Variants in MDGA2 observed in about 807,000 individuals in gnomAD.
MDGA2 encodes MAM domain containing glycosylphosphatidylinositol anchor 2, also known as MAM domain-containing glycosylphosphatidylinositol anchor protein 2.
MDGA2 carries 40 observed loss-of-function variants against 117.8 expected under a neutral mutation model. The observed-to-expected ratio is 0.34, with a 90% CI of 0.26 to 0.44. The LOEUF (loss-of-function observed/expected upper bound fraction) is 0.44. Among genes scored for constraint, MDGA2 ranks in the 20% least tolerant of loss-of-function variants. The pLI, the probability that MDGA2 is intolerant of heterozygous loss-of-function variation, is 1.00. For missense variants in MDGA2, 1,123 were observed against 1,250.6 expected, an observed-to-expected ratio of 0.90 and a Z score of 1.54; for synonymous variants, 452 against 439.0, an observed-to-expected ratio of 1.03 and a Z score of -0.37.
intron 1 of MDGA2, among the ~76,000 whole-genome samples, chr14:47,302,240 G>A (rs958302959): frequency 6.6e-6 from 1 of 152,148 alleles, no homozygotes; most frequent in Non-Finnish European, 1.5e-5. Context: ...CAAGGGGCCA[G>A]TAAAATTTAA....
chr14:47,325,267 G>A (rs1031410586), intron 1 of MDGA2, among the ~76,000 whole-genome samples: 1 of 152,132 alleles, frequency 6.6e-6, no homozygotes, highest in Non-Finnish European at 1.5e-5. Flanking sequence ...ATGTAACGGG[G>A]ATGATTGCCT....
chr14:46,882,743 T>C (rs989403868), intron 10 of MDGA2, among the ~76,000 whole-genome samples: 13 of 151,630 alleles, frequency 8.6e-5, no homozygotes, highest in Non-Finnish European at 1.5e-4. Context: ...ATATGTACAA[T>C]AGAGAAAAAT....
At chr14:47,446,468 C>T (rs1170518462) in intron 1 of MDGA2, among the ~76,000 whole-genome samples, 2 of 128,304 alleles carry the variant, frequency 1.6e-5, no homozygotes, top group African/African-American at 5.8e-5. Flanking sequence ...TTTCCCCTTC[C>T]TTTAGGGTAT....
Position 46,842,481 on chromosome 14 carries a change from T to C in MDGA2, c.2990-462A>G, listed in dbSNP as rs535880744. On this transcript the variant is annotated intron_variant, in intron 16 of 16. Transcript: ENST00000399232. ...GGTTATGTGTACAGAAATTAACTATTGCAACTAGTAGATGATCCATGTTTA... is the reference window on the plus strand; with the variant it reads ...GGTTATGTGTACAGAAATTAACTATCGCAACTAGTAGATGATCCATGTTTA... 2.0e-4 allele frequency among the ~76,000 whole-genome samples: 31 copies of C among 152,302 alleles called. No individual in the cohort carries two copies. The South Asian group carries it at 3.7e-3, about 18-fold the overall frequency.
At chr14:47,149,923 C>A (rs1312985942) in intron 3 of MDGA2, among the ~76,000 whole-genome samples, 4 of 152,186 alleles carry the variant, frequency 2.6e-5, no homozygotes, top group Non-Finnish European at 5.9e-5. Context: ...TCCCTAACTC[C>A]TGGCTGAGGT....
intron 8 of MDGA2, among the ~76,000 whole-genome samples, chr14:46,976,929 C>T (rs185592023): frequency 5.2e-4 from 79 of 151,838 alleles, no homozygotes; most frequent in African/African-American, 1.8e-3. Context: ...CAAGTTCATG[C>T]CTTGGAATGT....
At chr14:47,660,626 C>G (rs1004018570) in intron 1 of MDGA2, among the ~76,000 whole-genome samples, 1 of 152,226 alleles carries the variant, frequency 6.6e-6, no homozygotes, top group Middle Eastern at 3.4e-3. Context: ...CGAAAAATGC[C>G]CAAGCAATAC....
At chr14:47,310,858 T>C (rs1358488310) in intron 1 of MDGA2, among the ~76,000 whole-genome samples, 1 of 152,058 alleles carries the variant, frequency 6.6e-6, no homozygotes, top group Non-Finnish European at 1.5e-5. Flanking sequence ...TACAAGAATA[T>C]AGTAAAAGTG....
intron 3 of MDGA2, among the ~76,000 whole-genome samples, chr14:47,187,917 TTGTGTGTG>T (rs34044843): frequency 6.7e-6 from 1 of 148,668 alleles, no homozygotes; most frequent in Admixed American, 6.8e-5. Flanking sequence ...TTAAAGTAGG[TTGTGTGTG>T]TGTGTGTGTG....
chr14:47,172,304 A>C lies in MDGA2; in HGVS notation c.596-28030T>G, dbSNP rs138976800. Among the ~76,000 whole-genome samples the C allele has an allele frequency of 3.1e-3, 471 of 152,206 alleles. 7 individuals are homozygous for C. Among genetic ancestry groups the C allele is most frequent in the African/African-American group, 0.01 (435 of 41,538 alleles). Reference sequence around the variant, plus strand: ...GCTTTGAAGAGAGCAGTGGTTCTCCAAGCACGCAGCTGGAGATCTCAGAAC... The same window carrying C: ...GCTTTGAAGAGAGCAGTGGTTCTCCCAGCACGCAGCTGGAGATCTCAGAAC... On this transcript the variant is annotated intron_variant, in intron 3 of 16. Coordinates refer to ENST00000399232, the MANE Select transcript of MDGA2 (RefSeq NM_001113498.3).
intron 2 of MDGA2, among the ~76,000 whole-genome samples, chr14:47,273,604 T>C (rs920487103): frequency 6.6e-6 from 1 of 152,184 alleles, no homozygotes; most frequent in African/African-American, 2.4e-5. Context: ...GATTGTCTTC[T>C]CTTACAATTT....
At chr14:47,256,879 A>G (rs1201501685) in intron 2 of MDGA2, among the ~76,000 whole-genome samples, 1 of 151,914 alleles carries the variant, frequency 6.6e-6, no homozygotes, top group Admixed American at 6.6e-5. Context: ...AAAGGAAGAA[A>G]GAAAAGAAAG....
intron 2 of MDGA2, among the ~76,000 whole-genome samples, chr14:47,289,654 C>T (rs928125912): frequency 6.6e-6 from 1 of 152,002 alleles, no homozygotes; most frequent in African/African-American, 2.4e-5. Flanking sequence ...ATATTTATAA[C>T]TATGAGCAAT....
intron 1 of MDGA2, among the ~76,000 whole-genome samples, chr14:47,367,640 T>TAAAAAAGA (rs1201053418): frequency 6.6e-6 from 1 of 152,200 alleles, no homozygotes; most frequent in African/African-American, 2.4e-5. Flanking sequence ...AAAACTGTAC[T>TAAAAAAGA]ATTCTTTTTC....
intron 6 of MDGA2, among the ~76,000 whole-genome samples, chr14:47,083,539 C>G (rs530379330): frequency 6.6e-6 from 1 of 151,906 alleles, no homozygotes; most frequent in East Asian, 1.9e-4. Context: ...AAATAAGAAA[C>G]AGAGAATTGG....
intron 1 of MDGA2, among the ~76,000 whole-genome samples, chr14:47,330,847 CATA>C (rs1432239320): frequency 2.0e-5 from 3 of 151,822 alleles, no homozygotes; most frequent in Non-Finnish European, 2.9e-5. Context: ...AGCTGCATTC[CATA>C]ATATTTTTCA....
intron 15 of MDGA2, among the ~76,000 whole-genome samples, chr14:46,853,687 A>C (rs1881152388): frequency 6.6e-6 from 1 of 151,654 alleles, no homozygotes; most frequent in Admixed American, 6.6e-5. Context: ...GTATATTATG[A>C]CCTTGGTATT....
chr14:47,468,255 T>TA (rs1736996453), intron 1 of MDGA2, among the ~76,000 whole-genome samples: 1 of 152,226 alleles, frequency 6.6e-6, no homozygotes, highest in African/African-American at 2.4e-5. Flanking sequence ...TCCGTAATCG[T>TA]AAAAAATGTC....
intron 1 of MDGA2, among the ~76,000 whole-genome samples, chr14:47,456,102 A>G (rs1456065029): frequency 6.6e-6 from 1 of 152,138 alleles, no homozygotes; most frequent in Non-Finnish European, 1.5e-5. Context: ...TACTTGAATG[A>G]GTTTGTAACA....
Sources: allele counts gnomAD v4.1 joint callset (sites outside exome capture counted in the v4.1 genomes callset), GRCh38; gene constraint gnomAD v4.1.1; transcripts MANE v1.5; gene names NCBI Gene and HGNC (gene_info 2026-07-23, HGNC 2026-07-21).